The following CLRN1 variants were observed in gnomAD, a reference collection of about 807,000 sequenced individuals.
CLRN1 encodes the protein clarin 1, also known as clarin-1.
CLRN1 carries 15 observed loss-of-function variants against 18.7 expected under a neutral mutation model. The observed-to-expected ratio is 0.80, with a 90% CI of 0.54 to 1.23. The LOEUF is 1.23. Ranked by LOEUF, CLRN1 falls within the 50% of genes most tolerant of loss-of-function variation. The pLI is 0.00. For synonymous variants in CLRN1, 104 were observed against 102.9 expected, an observed-to-expected ratio of 1.01 and a Z score of -0.07; for missense variants, 311 against 277.5, an observed-to-expected ratio of 1.12 and a Z score of -0.86.
chr3:150,957,653 A>G (rs1197846632), intron 1 of CLRN1, among the ~76,000 whole-genome samples: 2 of 151,860 alleles, frequency 1.3e-5, no homozygotes, highest in African/African-American at 4.8e-5. Flanking sequence ...ATCTTTGTCT[A>G]CTTTCTTTTT....
At chr3:150,941,984 G>A (rs1713874958) in intron 1 of CLRN1, among the ~76,000 whole-genome samples, 1 of 152,034 alleles carries the variant, frequency 6.6e-6, no homozygotes, top group Admixed American at 6.6e-5. Context: ...GAGATTTGAG[G>A]TAATTTATTT....
chr3:150,960,297 C>T (rs1201782286), intron 1 of CLRN1, among the ~76,000 whole-genome samples: 4 of 152,030 alleles, frequency 2.6e-5, no homozygotes, highest in Admixed American at 6.6e-5. Context: ...ATATTTCCCC[C>T]GAAAAGAGTG....
At chr3:150,933,409 C>T (rs1713274873) in intron 2 of CLRN1, among the ~76,000 whole-genome samples, 1 of 151,866 alleles carries the variant, frequency 6.6e-6, no homozygotes, top group South Asian at 2.1e-4. Flanking sequence ...GGGGAGGCCT[C>T]ATAGGGAATA....
intron 2 of CLRN1, among the ~76,000 whole-genome samples, chr3:150,933,635 G>A (rs375759475): frequency 2.7e-4 from 41 of 152,298 alleles, no homozygotes; most frequent in African/African-American, 9.1e-4. Flanking sequence ...AAGGACTTGG[G>A]TTGTGACTGT....
intron 1 of CLRN1, among the ~76,000 whole-genome samples, chr3:150,959,956 A>G (rs2107979457): frequency 6.6e-6 from 1 of 152,318 alleles, no homozygotes; most frequent in Non-Finnish European, 1.5e-5. Flanking sequence ...CAGGAGTCTC[A>G]GGCAGTTGGA....
intron 2 of CLRN1, 130 bp downstream of exon 2, chr3:150,941,452 G>T: frequency 2.1e-6 from 2 of 936,458 alleles, no homozygotes; most frequent in Admixed American, 2.2e-5. Context: ...CACACTTTTT[G>T]TTATTATGTA....
At chr3:150,956,285 G>T (rs1449118483) in intron 1 of CLRN1, among the ~76,000 whole-genome samples, 5 of 152,100 alleles carry the variant, frequency 3.3e-5, no homozygotes, top group Admixed American at 2.0e-4. Flanking sequence ...GCTAGTTGTG[G>T]TATAGATACA....
chr3:150,935,460 C>CA, intron 2 of CLRN1, among the ~76,000 whole-genome samples: 1 of 151,980 alleles, frequency 6.6e-6, no homozygotes, highest in Non-Finnish European at 1.5e-5. Context: ...CATGTCCCTA[C>CA]AAAGGACATG....
intron 2 of CLRN1, among the ~76,000 whole-genome samples, chr3:150,932,840 AG>A (rs1459836876): frequency 3.9e-5 from 6 of 152,346 alleles, no homozygotes; most frequent in Non-Finnish European, 7.4e-5. Flanking sequence ...TTAATACCAA[AG>A]GGTAGATTTT....
intron 2 of CLRN1, among the ~76,000 whole-genome samples, chr3:150,935,745 G>C (rs1221144880): frequency 1.3e-5 from 2 of 151,182 alleles, no homozygotes; most frequent in Admixed American, 1.3e-4. Flanking sequence ...GGTTGAACTA[G>C]TTTATAGTCC....
intron 1 of CLRN1, among the ~76,000 whole-genome samples, chr3:150,966,679 T>C (rs904647450): frequency 1.3e-5 from 2 of 152,110 alleles, no homozygotes; most frequent in Non-Finnish European, 2.9e-5. Flanking sequence ...AAGATTGTAA[T>C]GGGAGAGAAA....
intron 1 of CLRN1, among the ~76,000 whole-genome samples, chr3:150,964,831 A>T (rs138894612): frequency 0.12 from 18,777 of 152,046 alleles, 1,286 homozygotes; most frequent in East Asian, 0.24. Context: ...GTTCTCACTC[A>T]TAAGTGGGAG....
chr3:150,945,915 G>A (rs1714141255), intron 1 of CLRN1, among the ~76,000 whole-genome samples: 1 of 152,110 alleles, frequency 6.6e-6, no homozygotes, highest in African/African-American at 2.4e-5. Flanking sequence ...TAACTTTCAG[G>A]ATTTTATCCT....
intron 1 of CLRN1, among the ~76,000 whole-genome samples, chr3:150,959,628 C>CAAAA (rs202231765): frequency 1.0e-3 from 92 of 87,660 alleles, no homozygotes; most frequent in Middle Eastern, 5.7e-3. Context: ...GACTTTGTCT[C>CAAAA]AAAAAAAAAA....
intron 1 of CLRN1, among the ~76,000 whole-genome samples, chr3:150,958,675 T>G (rs956495946): frequency 1.3e-5 from 2 of 152,280 alleles, no homozygotes; most frequent in Non-Finnish European, 2.9e-5. Context: ...AACTTCCCTC[T>G]GATTTTCCTA....
At position 150,963,093 on chromosome 3, in the gene CLRN1, G is replaced by A. The variant is rs575617727; in HGVS notation, c.253+9363C>T. 9.9e-5 allele frequency among the ~76,000 whole-genome samples: 15 copies of A among 152,262 alleles called. No individual in the cohort carries two copies. The East Asian group carries it at 1.4e-3, about 14-fold the overall frequency. ...AACAGGCAAGAGAAAGAAATAAAGC[G>A]TATTCAAATAGGAAGAGAGGAAGTC... is the stretch of plus-strand genomic sequence containing the variant. On this transcript the variant is annotated intron_variant, in intron 1 of 2. Coordinates refer to ENST00000327047, the MANE Select transcript of CLRN1 (RefSeq NM_174878.3).
chr3:150,927,622 A>G lies in CLRN1; in HGVS notation c.*314T>C, dbSNP rs982850401. 53 of 500,778 alleles carry G rather than the reference A, an allele frequency of 1.1e-4. No homozygotes were observed. Among genetic ancestry groups the G allele is most frequent in the Non-Finnish European group, 1.8e-4 (47 of 266,106 alleles). The allele number at this position is 500,778 out of a possible 1,614,324, so 31.0% of individuals were successfully genotyped here. A position where few individuals can be genotyped will look rare whatever the true frequency, so the allele number is the denominator to read the frequency against. Reference sequence around the variant, plus strand: ...GTGCCTTTGATATCTTTTTGATAGGAAGACATCTTACACACACACACACAC... The same window carrying G: ...GTGCCTTTGATATCTTTTTGATAGGGAGACATCTTACACACACACACACAC... On this transcript the variant is annotated 3_prime_UTR_variant, in exon 3 of 3. Coordinates refer to ENST00000327047, the MANE Select transcript of CLRN1 (RefSeq NM_174878.3).
intron 2 of CLRN1, chr3:150,940,423 T>C (rs186670423): frequency 6.9e-7 from 1 of 1,457,310 alleles, no homozygotes; most frequent in East Asian, 2.5e-5. Context: ...CTATACACGT[T>C]TGTGGTTGGG....
At chr3:150,968,566 C>T (rs1715373284) in intron 1 of CLRN1, among the ~76,000 whole-genome samples, 1 of 152,110 alleles carries the variant, frequency 6.6e-6, no homozygotes, top group Admixed American at 6.5e-5. Flanking sequence ...ATAGAGTGGT[C>T]AATAGGGAAC....
Sources: allele counts gnomAD v4.1 joint callset (sites outside exome capture counted in the v4.1 genomes callset), GRCh38; gene constraint gnomAD v4.1.1; transcripts MANE v1.5; gene names NCBI Gene and HGNC (gene_info 2026-07-23, HGNC 2026-07-21).